SLIT3: variants seen among roughly 807,000 people sequenced by gnomAD.
The protein encoded by SLIT3 is slit homolog 3 protein.
Under a neutral mutation model 184.0 loss-of-function variants are expected in SLIT3, and 68 were observed. The ratio of observed to expected loss-of-function variants is 0.37; its 90% CI spans 0.30 to 0.45. The LOEUF (loss-of-function observed/expected upper bound fraction) is 0.45. Ranked by LOEUF, SLIT3 falls within the 20% of genes least tolerant of loss-of-function variation. The pLI is 1.00. For synonymous variants in SLIT3, 831 were observed against 828.6 expected (o/e 1.00, Z -0.05); for missense variants, 1,707 against 2,026.0 (o/e 0.84, Z 3.02).
intron 4 of SLIT3, among the ~76,000 whole-genome samples, chr5:168,986,906 G>T (rs1052018521): frequency 6.6e-6 from 1 of 152,178 alleles, no homozygotes; most frequent in South Asian, 2.1e-4. Flanking sequence ...TATTTAGCCG[G>T]GCGTGGTGGC....
At chr5:169,297,827 T>C (rs12520970) in intron 1 of SLIT3, among the ~76,000 whole-genome samples, 32,658 of 152,170 alleles carry the variant, frequency 0.21, 4,497 homozygotes, top group East Asian at 0.36. Flanking sequence ...CTCAAACTCC[T>C]AGGCTCAAGC....
chr5:169,054,216 TAA>T (rs35649544), intron 4 of SLIT3, among the ~76,000 whole-genome samples: 411 of 69,770 alleles, frequency 5.9e-3, no homozygotes, highest in Non-Finnish European at 7.8e-3. Context: ...AGAGAGACAC[TAA>T]AAAAAAAAAA....
At chr5:168,705,923 A>G (rs1449565031) in intron 26 of SLIT3, among the ~76,000 whole-genome samples, 1 of 152,256 alleles carries the variant, frequency 6.6e-6, no homozygotes, top group Admixed American at 6.5e-5. Flanking sequence ...TAAGCTGATT[A>G]TAAAAATCAG....
At chr5:169,166,184 C>T (rs1302142527) in intron 4 of SLIT3, among the ~76,000 whole-genome samples, 1 of 152,154 alleles carries the variant, frequency 6.6e-6, no homozygotes, top group Admixed American at 6.5e-5. Context: ...GGGGTCACTG[C>T]CTTTGTTTTT....
At chr5:169,114,904 C>G (rs1319474456) in intron 4 of SLIT3, among the ~76,000 whole-genome samples, 1 of 152,198 alleles carries the variant, frequency 6.6e-6, no homozygotes, top group African/African-American at 2.4e-5. Context: ...GCTAAATTCT[C>G]CCAATTAGGC....
intron 4 of SLIT3, among the ~76,000 whole-genome samples, chr5:169,062,588 C>T (rs1235418559): frequency 6.6e-6 from 1 of 152,250 alleles, no homozygotes; most frequent in African/African-American, 2.4e-5. Context: ...CTTCTTGCTC[C>T]TGCCGTTAGA....
At chr5:168,897,174 A>G (rs548286881) in intron 4 of SLIT3, among the ~76,000 whole-genome samples, 2 of 152,320 alleles carry the variant, frequency 1.3e-5, no homozygotes, top group African/African-American at 4.8e-5. Flanking sequence ...GGTCAACACT[A>G]AGAAAATAAG....
At chr5:168,759,305 G>A (rs890543601) in intron 16 of SLIT3, among the ~76,000 whole-genome samples, 2 of 152,142 alleles carry the variant, frequency 1.3e-5, no homozygotes, top group East Asian at 1.9e-4. Flanking sequence ...ACCTATCGAC[G>A]TATAACCTTG....
intron 4 of SLIT3, among the ~76,000 whole-genome samples, chr5:168,955,376 G>A (rs751118797): frequency 6.6e-6 from 1 of 152,158 alleles, no homozygotes; most frequent in Non-Finnish European, 1.5e-5. Context: ...TCTAGGTTGC[G>A]AATATTAATG....
chr5:168,790,558 G>T (rs1756330278), intron 10 of SLIT3: 1 of 152,272 alleles, frequency 6.6e-6, no homozygotes, highest in South Asian at 2.1e-4. Flanking sequence ...ATTAGCTCAG[G>T]GATGGCCTCT....
At chr5:168,917,303 C>T (rs1006776984) in intron 4 of SLIT3, among the ~76,000 whole-genome samples, 4 of 152,154 alleles carry the variant, frequency 2.6e-5, no homozygotes, top group Admixed American at 6.5e-5. Context: ...TTGAGACTTA[C>T]GAGTTGGATT....
chr5:169,172,642 T>G (rs1362238367), intron 4 of SLIT3, among the ~76,000 whole-genome samples: 1 of 152,218 alleles, frequency 6.6e-6, no homozygotes, highest in African/African-American at 2.4e-5. Flanking sequence ...GGGAAGCTGA[T>G]GTTCACATCC....
chr5:168,711,722 G>A (rs948807447), intron 24 of SLIT3, among the ~76,000 whole-genome samples: 2 of 152,214 alleles, frequency 1.3e-5, no homozygotes, highest in Admixed American at 6.5e-5. Flanking sequence ...CTGTGGAAGA[G>A]AGGTCTGGCC....
At chr5:169,132,795 ATTCCC>A (rs754434088) in intron 4 of SLIT3, among the ~76,000 whole-genome samples, 20,868 of 152,264 alleles carry the variant, frequency 0.14, 1,562 homozygotes, top group South Asian at 0.27. Flanking sequence ...CTCTGGGAAG[ATTCCC>A]GTGATCTGTA....
At position 169,159,151 on chromosome 5, in the gene SLIT3, G is replaced by A. The variant is rs565641740; in HGVS notation, c.413+34328C>T. On this transcript the variant is annotated intron_variant, in intron 4 of 35. Coordinates refer to ENST00000519560, the MANE Select transcript of SLIT3 (RefSeq NM_003062.4). ...TGTAATCCCAGCGTTTTGGGAGGCC[G>A]AGGTGGGCAGATCACCTGAGGTCAA... Among the ~76,000 whole-genome samples the A allele has an allele frequency of 3.3e-5, 5 of 152,222 alleles. No individual in the cohort carries two copies. The East Asian group carries it at 7.7e-4, about 24-fold the overall frequency.
chr5:168,688,552 G>A (rs749290640), intron 29 of SLIT3, among the ~76,000 whole-genome samples: 2 of 152,182 alleles, frequency 1.3e-5, no homozygotes, highest in Non-Finnish European at 2.9e-5. Flanking sequence ...AGACACGGAG[G>A]GGGTGATGTG....
chr5:169,220,680 AG>A (rs1287514828), intron 3 of SLIT3, among the ~76,000 whole-genome samples: 1 of 152,240 alleles, frequency 6.6e-6, no homozygotes, highest in Non-Finnish European at 1.5e-5. Flanking sequence ...AATCCTTGAG[AG>A]TTTTGCACCA....
chr5:168,729,828 C>T (rs936555341), intron 20 of SLIT3, among the ~76,000 whole-genome samples: 2 of 151,998 alleles, frequency 1.3e-5, no homozygotes, highest in Non-Finnish European at 1.5e-5. Context: ...TATAAAACAA[C>T]TTGAAAACAA....
At chr5:168,781,119 A>G (rs1755956229) in intron 12 of SLIT3, among the ~76,000 whole-genome samples, 1 of 152,212 alleles carries the variant, frequency 6.6e-6, no homozygotes, top group Non-Finnish European at 1.5e-5. Context: ...GCATGCAGCA[A>G]CACCATTGGG....
Sources: allele counts gnomAD v4.1 joint callset (sites outside exome capture counted in the v4.1 genomes callset), GRCh38; gene constraint gnomAD v4.1.1; transcripts MANE v1.5; gene names NCBI Gene and HGNC (gene_info 2026-07-23, HGNC 2026-07-21).